MCF2L: variants seen among roughly 807,000 people sequenced by gnomAD.
MCF2L encodes the protein MCF.2 cell line derived transforming sequence like.
A neutral mutation model predicts 153.4 loss-of-function variants in MCF2L; 97 were observed. The observed-to-expected ratio is 0.63, with a 90% confidence interval of 0.54 to 0.75. MCF2L has a LOEUF of 0.75. Among genes scored for constraint, MCF2L ranks in the 30% least tolerant of loss-of-function variants. MCF2L has a pLI of 0.00. For missense variants in MCF2L, 1,347 were observed against 1,495.2 expected, an observed-to-expected ratio of 0.90 and a Z score of 1.64; for synonymous variants, 659 against 632.2, an observed-to-expected ratio of 1.04 and a Z score of -0.64.
chr13:112,899,029 C>T (rs192315713), intron 1 of MCF2L, among the ~76,000 whole-genome samples: 1 of 152,330 alleles, frequency 6.6e-6, no homozygotes, highest in East Asian at 1.9e-4. Context: ...GCTGAACCTG[C>T]GGAGAAGCTG....
Position 112,904,189 on chromosome 13 carries a change from G to T in MCF2L, c.169+1818G>T, listed in dbSNP as rs1179437121. Among the ~76,000 whole-genome samples the T allele has an allele frequency of 1.3e-5, 2 of 151,898 alleles. No individual in the cohort carries two copies. The highest frequency in any genetic ancestry group is 4.8e-5 in the African/African-American group (2 of 41,308). On this transcript the variant is annotated intron_variant, in intron 2 of 29. Coordinates refer to the MCF2L transcript ENST00000375608. The surrounding 1 kb of genome is among the most constrained non-coding windows in gnomAD (Gnocchi z 4.2). ...GGGGTTGGGACTGGGGTAGGGGTAGGTGTTAGGGGTAGGGGTAGCGTTTGG... is the reference window on the plus strand; with the variant it reads ...GGGGTTGGGACTGGGGTAGGGGTAGTTGTTAGGGGTAGGGGTAGCGTTTGG...
intron 1 of MCF2L, among the ~76,000 whole-genome samples, chr13:112,974,299 C>A (rs1472632904): frequency 6.6e-6 from 1 of 152,126 alleles, no homozygotes. Flanking sequence ...AAGCCCCTTG[C>A]GTGGCTGACT....
chr13:112,915,200 G>C (rs972795457), intron 2 of MCF2L, among the ~76,000 whole-genome samples: 1 of 151,822 alleles, frequency 6.6e-6, no homozygotes, highest in Admixed American at 6.6e-5. Flanking sequence ...ACAAGGTCAG[G>C]AGATCGAGAC....
intron 1 of MCF2L, among the ~76,000 whole-genome samples, chr13:112,986,310 T>C (rs1186318457): frequency 6.6e-6 from 1 of 152,258 alleles, no homozygotes; most frequent in Non-Finnish European, 1.5e-5. Flanking sequence ...TTTATAAAAC[T>C]GCATCCACTC....
At chr13:112,953,420 T>A (rs956788920) in intron 2 of MCF2L, among the ~76,000 whole-genome samples, 1 of 152,074 alleles carries the variant, frequency 6.6e-6, no homozygotes, top group African/African-American at 2.4e-5. Context: ...TGGTCACTGG[T>A]GCTGAATTGA....
chr13:112,926,810 G>A (rs940848625), intron 2 of MCF2L, among the ~76,000 whole-genome samples: 1 of 152,176 alleles, frequency 6.6e-6, no homozygotes, highest in Non-Finnish European at 1.5e-5. Context: ...GGGGCGGGGT[G>A]GGATGTGCTG....
intron 2 of MCF2L, among the ~76,000 whole-genome samples, chr13:113,024,415 T>C (rs2085096718): frequency 1.3e-5 from 2 of 152,228 alleles, no homozygotes; most frequent in East Asian, 1.9e-4. Context: ...AGCTGTCCCA[T>C]GGTGGCCAAA....
intron 1 of MCF2L, among the ~76,000 whole-genome samples, chr13:112,980,179 C>T (rs991189533): frequency 6.6e-6 from 1 of 152,190 alleles, no homozygotes; most frequent in Non-Finnish European, 1.5e-5. Flanking sequence ...AGGCGTGGCC[C>T]AGGCCAGGTG....
rs754960237 is a variant in MCF2L at position 113,082,477 on chromosome 13, A to G, written c.1926A>G (p.Thr642=). The change falls in exon 17 of 30, where the codon ACA becomes ACG. Residue 642 remains threonine, a synonymous_variant. Transcript: ENST00000535094. ...DNPLMAHLLS[T]GLHNKKDVLF... ...CACTGATGGCTCACCTCCTGTCAACAGGCCTTCACAACAAGAAGGATGTTT... is the reference window on the plus strand; with the variant it reads ...CACTGATGGCTCACCTCCTGTCAACGGGCCTTCACAACAAGAAGGATGTTT... The G allele has an allele frequency of 6.2e-7, 1 of 1,614,064 alleles. No individual in the cohort carries two copies. The highest frequency in any genetic ancestry group is 8.5e-7 in the Non-Finnish European group (1 of 1,179,942).
At chr13:112,935,672 G>GAGTGTATTC (rs1381609802) in intron 2 of MCF2L, among the ~76,000 whole-genome samples, 2 of 152,198 alleles carry the variant, frequency 1.3e-5, no homozygotes, top group African/African-American at 4.8e-5. Context: ...TTGGTAGGTC[G>GAGTGTATTC]AGTGTATTCA....
chr13:112,951,492 C>T lies in MCF2L; in HGVS notation c.169+49121C>T, dbSNP rs1293573839. On this transcript the variant is annotated intron_variant, in intron 2 of 29. Coordinates refer to the MCF2L transcript ENST00000375608. The surrounding 1 kb of genome is among the most constrained non-coding windows in gnomAD (Gnocchi z 4.8). ...GGTGAAACGTTAAATTGTACGTCCG[C>T]ACCATGAACTATTGATACCTGTGAC... is the stretch of plus-strand genomic sequence containing the variant. Among the ~76,000 whole-genome samples the T allele has an allele frequency of 1.3e-5, 2 of 152,208 alleles. No individual in the cohort carries two copies. Among genetic ancestry groups the T allele is most frequent in the Admixed American group, 6.5e-5 (1 of 15,278 alleles).
chr13:112,912,831 G>T (rs1174368205), intron 2 of MCF2L, among the ~76,000 whole-genome samples: 1 of 151,626 alleles, frequency 6.6e-6, no homozygotes, highest in African/African-American at 2.4e-5. Flanking sequence ...GGGTGTGCCT[G>T]TGTGTGTGTC....
chr13:113,024,598 G>A, intron 2 of MCF2L, 46 bp from the exon 3 acceptor site: 2 of 1,307,946 alleles, frequency 1.5e-6, no homozygotes, highest in Non-Finnish European at 2.2e-6. Context: ...GAACCCCCGG[G>A]GGCATGGAGC....
At chr13:112,995,997 C>T (rs886373316) in intron 1 of MCF2L, among the ~76,000 whole-genome samples, 2 of 152,306 alleles carry the variant, frequency 1.3e-5, no homozygotes, top group Non-Finnish European at 2.9e-5. Flanking sequence ...CTGACTTTCA[C>T]CAGATCCAAG....
chr13:112,958,911 C>T (rs1270298590), intron 2 of MCF2L, among the ~76,000 whole-genome samples: 1 of 152,162 alleles, frequency 6.6e-6, no homozygotes, highest in African/African-American at 2.4e-5. Flanking sequence ...AACACAGAAG[C>T]TGCCGTGGAA....
intron 1 of MCF2L, chr13:113,009,628 G>T (rs1223596097): frequency 6.6e-6 from 1 of 152,296 alleles, no homozygotes; most frequent in Non-Finnish European, 1.5e-5. Flanking sequence ...AGGGGACGGG[G>T]ATGCTGGCCT....
Position 113,027,119 on chromosome 13 carries a change from A to G in MCF2L, c.278+2361A>G. The G allele has an allele frequency of 2.8e-6, 2 of 715,188 alleles. No individual in the cohort carries two copies. The highest frequency in any genetic ancestry group is 1.9e-5 in the Admixed American group (1 of 51,362). The allele number at this position is 715,188 out of a possible 1,614,324, so 44.3% of individuals were successfully genotyped here. ...CATAAGGTGGCAAAACACAGAGGAG[A>G]TGTTTAACCATCAGCGTGAAAGTGC... On this transcript the variant is annotated intron_variant, in intron 3 of 29. Transcript: ENST00000535094. The surrounding 1 kb of genome is among the most constrained non-coding windows in gnomAD (Gnocchi z 4.8).
Position 113,064,488 on chromosome 13 carries a change from C to A in MCF2L, c.606+68C>A, listed in dbSNP as rs1566830617. 1.0e-6 allele frequency: 1 copy of A among 967,732 alleles called. No homozygotes were observed. Among genetic ancestry groups the A allele is most frequent in the Non-Finnish European group, 1.6e-6 (1 of 607,756 alleles). The allele number at this position is 967,732 out of a possible 1,614,324, so 59.9% of individuals were successfully genotyped here. A position where few individuals can be genotyped will look rare whatever the true frequency, so the allele number is the denominator to read the frequency against. The stretch of plus-strand genomic sequence containing the variant: ...GAGTACTTCCACAGAATCGCTCTTG[C>A]ATTACAACACGGCCCTTTCCAAAAA... On this transcript the variant is annotated intron_variant, in intron 6 of 29. Coordinates refer to ENST00000535094, the MANE Select transcript of MCF2L (RefSeq NM_001112732.3). This position sits in a 1 kb window ranked among gnomAD's most constrained non-coding sequence, Gnocchi z 6.0.
At chr13:113,025,927 T>A (rs77646804) in intron 3 of MCF2L, among the ~76,000 whole-genome samples, 629 of 23,124 alleles carry the variant, frequency 0.027, 30 homozygotes, top group South Asian at 0.055. Context: ...TGACTGTGGG[T>A]CGGGGCAGAG....
Sources: gnomAD v4.1 joint callset for allele counts (sites outside exome capture counted in the v4.1 genomes callset) on GRCh38, gnomAD v4.1.1 for gene constraint, Gnocchi (gnomAD v3.1) non-coding constraint, MANE v1.5 for transcripts, NCBI Gene and HGNC (gene_info 2026-07-23, HGNC 2026-07-21) for gene names.